SLC43A3: variants seen among roughly 807,000 people sequenced by gnomAD.
SLC43A3 encodes the protein equilibrative nucleobase transporter 1.
A neutral mutation model predicts 53.3 loss-of-function variants in SLC43A3; 33 were observed. That is an observed-to-expected ratio of 0.62 (90% CI 0.47 to 0.83). The LOEUF is 0.83. Ranked by LOEUF, SLC43A3 falls within the 40% of genes least tolerant of loss-of-function variation. The probability of loss-of-function intolerance (pLI) is 0.00; values close to 1 mark genes in which losing one functional copy is unlikely to be tolerated. For missense variants in SLC43A3, 530 were observed against 610.0 expected (o/e 0.87, Z 1.38); for synonymous variants, 236 against 246.2 (o/e 0.96, Z 0.39).
intron 11 of SLC43A3, among the ~76,000 whole-genome samples, chr11:57,411,933 A>G (rs1184360684): frequency 6.6e-6 from 1 of 152,164 alleles, no homozygotes; most frequent in Non-Finnish European, 1.5e-5. Context: ...TGTAAAATCA[A>G]GGAAATAAAA....
At chr11:57,416,781 A>C (rs1590694031) in intron 8 of SLC43A3, 111 bp from the exon 9 acceptor site, 1 of 814,680 alleles carries the variant, frequency 1.2e-6, no homozygotes, top group South Asian at 1.5e-5. Context: ...CTTTGGAATC[A>C]CCTTTTAGCC....
chr11:57,417,185 T>C (rs946385916), intron 8 of SLC43A3, among the ~76,000 whole-genome samples: 4 of 152,186 alleles, frequency 2.6e-5, no homozygotes, highest in African/African-American at 9.7e-5. Flanking sequence ...TCCTCTGTAT[T>C]TCCCCCAATT....
chr11:57,421,265 G>C (rs1376388527), intron 6 of SLC43A3, 32 bp downstream of exon 6: 8 of 1,574,464 alleles, frequency 5.1e-6, no homozygotes, highest in Non-Finnish European at 6.1e-6. Flanking sequence ...CCGCCACCCT[G>C]CCGAGTGCCT....
At chr11:57,412,649 C>T (rs549968743) in intron 11 of SLC43A3, among the ~76,000 whole-genome samples, 46 of 152,164 alleles carry the variant, frequency 3.0e-4, no homozygotes, top group African/African-American at 1.1e-3. Flanking sequence ...CCCATCTCTA[C>T]TAAAAATACA....
intron 9 of SLC43A3, among the ~76,000 whole-genome samples, chr11:57,415,730 G>A (rs553096925): frequency 2.0e-4 from 31 of 152,216 alleles, no homozygotes; most frequent in African/African-American, 7.5e-4. Flanking sequence ...CTTGATTTTG[G>A]AAGCTTCCCA....
intron 6 of SLC43A3, 81 bp downstream of exon 6, chr11:57,421,216 G>C: frequency 7.4e-7 from 1 of 1,359,498 alleles, no homozygotes; most frequent in Non-Finnish European, 1.0e-6. Flanking sequence ...ATCTGAGGCA[G>C]CCAATTATAG....
chr11:57,414,428 A>G (rs961118646), intron 11 of SLC43A3, among the ~76,000 whole-genome samples, 187 bp downstream of exon 11: 1 of 148,462 alleles, frequency 6.7e-6, no homozygotes, highest in Non-Finnish European at 1.5e-5. Flanking sequence ...AATCTCTTGA[A>G]CCCAGGAGGT....
rs1942982662 is a variant in SLC43A3, at chr11:57,421,392, A to C, written c.362-19T>G. On this transcript the variant is annotated intron_variant, in intron 5 of 13. Transcript: ENST00000395124. The stretch of plus-strand genomic sequence containing the variant: ...GCTGAGCCTGGACCATCAAAGTCAG[A>C]GGTAGGGTGGTGTCATAGTGCAACC... 6.2e-7 allele frequency: 1 copy of C among 1,607,322 alleles called. No individual in the cohort carries two copies. The highest frequency in any genetic ancestry group is 8.5e-7 in the Non-Finnish European group (1 of 1,174,926).
At chr11:57,424,306 G>A (rs534167820) in intron 4 of SLC43A3, among the ~76,000 whole-genome samples, 61 of 152,324 alleles carry the variant, frequency 4.0e-4, no homozygotes, top group Middle Eastern at 6.8e-3. Flanking sequence ...CTCAGCTGAC[G>A]ATGTGATTGG....
chr11:57,412,825 G>T (rs1275153605), intron 11 of SLC43A3, among the ~76,000 whole-genome samples: 1 of 150,962 alleles, frequency 6.6e-6, no homozygotes, highest in Non-Finnish European at 1.5e-5. Context: ...AAAAAAGAAA[G>T]AAAAGAAAAT....
intron 11 of SLC43A3, among the ~76,000 whole-genome samples, chr11:57,413,991 CG>C (rs749659712): frequency 1.3e-5 from 2 of 152,190 alleles, no homozygotes; most frequent in Non-Finnish European, 2.9e-5. Flanking sequence ...AGATTATGTG[CG>C]CTTCTTTGTG....
intron 9 of SLC43A3, 43 bp from the exon 10 acceptor site, chr11:57,415,149 T>G (rs778921045): frequency 1.9e-6 from 3 of 1,587,260 alleles, no homozygotes; most frequent in Non-Finnish European, 1.7e-6. Flanking sequence ...ACGAGGAAAG[T>G]GGACAGGTAG....
intron 5 of SLC43A3, among the ~76,000 whole-genome samples, chr11:57,423,516 C>T (rs2135062721): frequency 6.6e-6 from 1 of 152,254 alleles, no homozygotes; most frequent in South Asian, 2.1e-4. Context: ...GCAACCTCTG[C>T]CTCCTGGGTT....
At chr11:57,421,221 T>G in intron 6 of SLC43A3, 76 bp downstream of exon 6, 1 of 1,381,468 alleles carries the variant, frequency 7.2e-7, no homozygotes, top group Non-Finnish European at 1.0e-6. Flanking sequence ...AGGCAGCCAA[T>G]TATAGAAAAG....
intron 9 of SLC43A3, among the ~76,000 whole-genome samples, chr11:57,415,853 A>T (rs1942695256): frequency 1.3e-5 from 2 of 152,366 alleles, no homozygotes; most frequent in Admixed American, 1.3e-4. Flanking sequence ...TATTTAAGAT[A>T]TACAATATGA....
At position 57,421,026 on chromosome 11, in the gene SLC43A3, G is replaced by A; in HGVS notation, c.477C>T (p.Ile159=). The change falls in exon 7 of 14, where the codon ATC becomes ATT. Residue 159 remains isoleucine (I), a synonymous_variant. Coordinates refer to ENST00000395124, the MANE Select transcript of SLC43A3 (RefSeq NM_199329.3). The part of the protein sequence containing the change: ...NLFGQHRSTI[I]TLYNGAFDSS... ...AGTCAAATGCTCCATTGTACAGAGT[G>A]ATGATGGTCGAACGGTGTTGGCCAA... 6.2e-7 allele frequency: 1 copy of A among 1,613,944 alleles called. No individual in the cohort carries two copies. Among genetic ancestry groups the A allele is most frequent in the Admixed American group, 1.7e-5 (1 of 60,028 alleles).
intron 11 of SLC43A3, among the ~76,000 whole-genome samples, chr11:57,410,896 A>T (rs1942426731): frequency 6.6e-6 from 1 of 151,980 alleles, no homozygotes; most frequent in Non-Finnish European, 1.5e-5. Flanking sequence ...TCCACTTTTG[A>T]TTCTTCCTCA....
At position 57,409,917 on chromosome 11, in the gene SLC43A3, C is replaced by A; in HGVS notation, c.1247+18G>T. 6.3e-7 allele frequency: 1 copy of A among 1,593,860 alleles called. No homozygotes were observed. Among genetic ancestry groups the A allele is most frequent in the Non-Finnish European group, 8.5e-7 (1 of 1,170,104 alleles). On this transcript the variant is annotated intron_variant, in intron 12 of 13. Coordinates refer to ENST00000395124, the MANE Select transcript of SLC43A3 (RefSeq NM_199329.3). The stretch of plus-strand genomic sequence containing the variant: ...CCAGTGTGTCCGTCTCCACAGAGCC[C>A]GCCCCAAGGCCACTTACGCAAGGGT...
Position 57,422,276 on chromosome 11 carries a change from G to A in SLC43A3, c.362-903C>T, listed in dbSNP as rs371678453. On this transcript the variant is annotated intron_variant, in intron 5 of 13. Coordinates refer to ENST00000395124, the MANE Select transcript of SLC43A3 (RefSeq NM_199329.3). ...AAGTAACTGTCAAAATAAATACAAT[G>A]AAAGGAAAACAATGTTATTCAATTG... 1.6e-4 allele frequency among the ~76,000 whole-genome samples: 24 copies of A among 152,292 alleles called. No individual in the cohort carries two copies. The South Asian group carries it at 3.1e-3, about 20-fold the overall frequency.
Sources: gnomAD v4.1 joint callset for allele counts (sites outside exome capture counted in the v4.1 genomes callset) on GRCh38, gnomAD v4.1.1 for gene constraint, MANE v1.5 for transcripts, NCBI Gene and HGNC (gene_info 2026-07-23, HGNC 2026-07-21) for gene names.